The following CMYA5 variants were observed in gnomAD, a reference collection of about 807,000 sequenced individuals.
CMYA5 encodes the protein cardiomyopathy-associated protein 5.
A neutral mutation model predicts 318.9 loss-of-function variants in CMYA5; 246 were observed. The ratio of observed to expected loss-of-function variants is 0.77; its 90% CI spans 0.70 to 0.86. The LOEUF is 0.86. CMYA5 is among the 40% of genes least tolerant of loss of function. The pLI is 0.00. For synonymous variants in CMYA5, 1,641 were observed against 1,729.5 expected (o/e 0.95, Z 1.27); for missense variants, 4,589 against 4,678.2 (o/e 0.98, Z 0.56).
chr5:79,777,785 A>G (rs967438322), intron 9 of CMYA5, among the ~76,000 whole-genome samples: 1 of 134,956 alleles, frequency 7.4e-6, no homozygotes, highest in Admixed American at 7.7e-5. Context: ...TAAAAAAAAT[A>G]ATAAAAATAA....
chr5:79,720,230 A>G (rs993901253), intron 1 of CMYA5, among the ~76,000 whole-genome samples: 1 of 152,150 alleles, frequency 6.6e-6, no homozygotes, highest in African/African-American at 2.4e-5. Context: ...TAAGAATATG[A>G]TAGTAACTTC....
intron 1 of CMYA5, among the ~76,000 whole-genome samples, chr5:79,694,352 C>T (rs1045943957): frequency 2.0e-5 from 3 of 152,238 alleles, no homozygotes; most frequent in Non-Finnish European, 4.4e-5. Context: ...GTGCCAAACT[C>T]ATGGTTTCCT....
In CMYA5 at chr5:79,734,394, G is replaced by A. The variant is rs1280445722; in HGVS notation, c.5629G>A (p.Val1877Ile). The change falls in exon 2 of 13, where the codon GTC becomes ATC. Residue 1877 changes from valine to isoleucine, a missense_variant. By Grantham distance (29) the Val-to-Ile change is conservative. Transcript: ENST00000446378. ...ATTTATGACAACCAAGCCTGCGGAT[G>A]TCAAAGAAACAAAAATGGAAGAATT... is the stretch of plus-strand genomic sequence containing the variant. ...KSFMTTKPAD[V>I]KETKMEEFFI... The A allele has an allele frequency of 6.2e-7, 1 of 1,613,858 alleles. No homozygotes were observed. The highest frequency in any genetic ancestry group is 8.5e-7 in the Non-Finnish European group (1 of 1,179,818).
chr5:79,725,255 C>T lies in CMYA5; in HGVS notation c.150-3660C>T, dbSNP rs1827722049. Among the ~76,000 whole-genome samples the T allele has an allele frequency of 2.6e-5, 4 of 152,288 alleles. No homozygotes were observed. In the South Asian group the frequency reaches 8.3e-4, roughly 32 times the overall value. On this transcript the variant is annotated intron_variant, in intron 1 of 12. Coordinates refer to ENST00000446378, the MANE Select transcript of CMYA5 (RefSeq NM_153610.5). ...TGGATTGGATAAAGAAAATATGGTA[C>T]ATATACACCATGGAATACTATGCAG...
chr5:79,689,967 G>A lies in CMYA5; in HGVS notation c.60G>A (p.Glu20=), dbSNP rs570653527. The A allele has an allele frequency of 3.7e-5, 47 of 1,271,894 alleles. No homozygotes were observed. In the East Asian group the frequency reaches 6.6e-4, roughly 18 times the overall value. 78.8% of individuals were successfully genotyped at this position (1,271,894 alleles called of 1,614,324 possible). The change falls in exon 1 of 13, where the codon GAG becomes GAA. Residue 20 remains glutamate (E), a synonymous_variant. Coordinates refer to ENST00000446378, the MANE Select transcript of CMYA5 (RefSeq NM_153610.5). ...GESFLGSDGD[E]EATRELETEE... ...GCTTTCTCGGCTCCGACGGGGACGA[G>A]GAGGCGACCCGGGAGCTGGAGACCG...
intron 1 of CMYA5, among the ~76,000 whole-genome samples, chr5:79,712,923 C>G (rs1245395972): frequency 6.6e-6 from 1 of 152,226 alleles, no homozygotes; most frequent in Non-Finnish European, 1.5e-5. Flanking sequence ...GTAACCACCA[C>G]TCAACATTCA....
At chr5:79,715,504 G>T (rs1827497878) in intron 1 of CMYA5, among the ~76,000 whole-genome samples, 1 of 151,942 alleles carries the variant, frequency 6.6e-6, no homozygotes, top group Non-Finnish European at 1.5e-5. Flanking sequence ...AGCCAGGATG[G>T]TCTCGATCTC....
chr5:79,724,248 C>T (rs1402588510), intron 1 of CMYA5, among the ~76,000 whole-genome samples: 2 of 151,920 alleles, frequency 1.3e-5, no homozygotes, highest in African/African-American at 2.4e-5. Context: ...TGCTTGAACC[C>T]GGGAGGCGGA....
At chr5:79,720,870 G>A (rs1322904614) in intron 1 of CMYA5, among the ~76,000 whole-genome samples, 1 of 152,156 alleles carries the variant, frequency 6.6e-6, no homozygotes, top group Non-Finnish European at 1.5e-5. Flanking sequence ...GGAGGAAAAT[G>A]GTTCCAGATG....
At chr5:79,722,908 A>C (rs1234101347) in intron 1 of CMYA5, among the ~76,000 whole-genome samples, 2 of 128,676 alleles carry the variant, frequency 1.6e-5, no homozygotes, top group Non-Finnish European at 3.4e-5. Context: ...AAAACTAAAA[A>C]CAAAAAGAAA....
At chr5:79,713,634 C>T (rs1015540413) in intron 1 of CMYA5, among the ~76,000 whole-genome samples, 4 of 152,004 alleles carry the variant, frequency 2.6e-5, no homozygotes, top group Admixed American at 2.0e-4. Context: ...TAGATAGATA[C>T]TCCCTAAATA....
At chr5:79,717,882 C>CTTTTT (rs1827548657) in intron 1 of CMYA5, among the ~76,000 whole-genome samples, 11 of 105,382 alleles carry the variant, frequency 1.0e-4, no homozygotes, top group African/African-American at 5.9e-4. Context: ...TTAACCTAAG[C>CTTTTT]TATTTTTTTT....
chr5:79,701,239 TAAAC>T (rs564375164), intron 1 of CMYA5, among the ~76,000 whole-genome samples: 18 of 151,952 alleles, frequency 1.2e-4, no homozygotes, highest in South Asian at 4.2e-4. Flanking sequence ...CTGTCTCAAA[TAAAC>T]AAACAAACAA....
Position 79,739,044 on chromosome 5 carries a change from C to A in CMYA5, c.10279C>A (p.Leu3427Met). 6.2e-7 allele frequency: 1 copy of A among 1,613,860 alleles called. No individual in the cohort carries two copies. Among genetic ancestry groups the A allele is most frequent in the South Asian group, 1.1e-5 (1 of 91,072 alleles). Residue 3427 changes from leucine (L) to methionine (M), a missense_variant, in exon 2 of 13, where the codon CTG becomes ATG. Leu to Met is a conservative substitution (Grantham distance 15). Transcript: ENST00000446378. ...VQDEYEFTESLHNEVVPQDIL... is the reference protein window; with the variant it reads ...VQDEYEFTESMHNEVVPQDIL... ...GGATGAGTATGAATTTACAGAATCC[C>A]TGCATAATGAAGTGGTTCCTCAAGA...
intron 9 of CMYA5, among the ~76,000 whole-genome samples, chr5:79,778,726 A>G (rs1019574193): frequency 6.6e-6 from 1 of 150,620 alleles, no homozygotes; most frequent in African/African-American, 2.4e-5. Flanking sequence ...ATTGAGTTGG[A>G]TTTATCAATC....
At chr5:79,714,426 T>C (rs1827473024) in intron 1 of CMYA5, among the ~76,000 whole-genome samples, 1 of 116,624 alleles carries the variant, frequency 8.6e-6, no homozygotes, top group Non-Finnish European at 1.7e-5. Context: ...ATCTTTTTTC[T>C]TTTTCTTTTT....
intron 4 of CMYA5, among the ~76,000 whole-genome samples, chr5:79,746,407 A>T (rs1482757151): frequency 6.6e-6 from 1 of 152,154 alleles, no homozygotes; most frequent in African/African-American, 2.4e-5. Flanking sequence ...TTTGTGTGTA[A>T]TTAAGGCAAA....
chr5:79,770,114 T>C (rs1279768492), intron 9 of CMYA5, among the ~76,000 whole-genome samples: 1 of 152,168 alleles, frequency 6.6e-6, no homozygotes, highest in Non-Finnish European at 1.5e-5. Context: ...AGGGGAAAAC[T>C]GCCTACTCAA....
intron 1 of CMYA5, among the ~76,000 whole-genome samples, chr5:79,696,008 G>T (rs982128052): frequency 2.0e-5 from 3 of 152,202 alleles, no homozygotes; most frequent in Non-Finnish European, 2.9e-5. Context: ...TAAGTGAATG[G>T]TGCGAATAAA....
Sources: gnomAD v4.1 joint callset for allele counts (sites outside exome capture counted in the v4.1 genomes callset) on GRCh38, gnomAD v4.1.1 for gene constraint, MANE v1.5 for transcripts, NCBI Gene and HGNC (gene_info 2026-07-23, HGNC 2026-07-21) for gene names.